Variants in ARIH2 observed in about 807,000 individuals in gnomAD.
ARIH2 encodes the protein E3 ubiquitin-protein ligase ARIH2.
A neutral mutation model predicts 79.8 loss-of-function variants in ARIH2; 12 were observed. That is an observed-to-expected ratio of 0.15 (90% CI 0.10 to 0.24). The LOEUF (loss-of-function observed/expected upper bound fraction) is 0.24, where lower values mean the gene tolerates loss of function less well. Ranked by LOEUF, ARIH2 falls within the 10% of genes least tolerant of loss-of-function variation. The pLI is 1.00. For synonymous variants in ARIH2, 224 were observed against 213.9 expected (o/e 1.05, Z -0.41); for missense variants, 301 against 618.3 (o/e 0.49, Z 5.44).
chr3:48,919,042 C>T, intron 1 of ARIH2, 44 bp downstream of exon 1: 1 of 1,343,834 alleles, frequency 7.4e-7, no homozygotes, highest in Non-Finnish European at 9.5e-7. Flanking sequence ...CCTTGGCTGG[C>T]CGCTGGGGGG....
chr3:48,947,687 G>C (rs1054101092), intron 3 of ARIH2, among the ~76,000 whole-genome samples: 3 of 152,130 alleles, frequency 2.0e-5, no homozygotes, highest in African/African-American at 7.2e-5. Flanking sequence ...TTTGTATATT[G>C]TGACGTATGA....
rs1213170169 is a variant in ARIH2 at position 48,918,859 on chromosome 3, T to C, written c.-301T>C. 2 of 1,610,886 alleles carry C rather than the reference T, an allele frequency of 1.2e-6. No homozygotes were observed. The highest frequency in any genetic ancestry group is 1.1e-5 in the South Asian group (1 of 91,000). On this transcript the variant is annotated 5_prime_UTR_variant, in exon 1 of 16. Transcript: ENST00000356401. Reference sequence around the variant, plus strand: ...GCACTTCCGGAGCTGTGGGGACGACTCTTCTGGAGGAAGCAGCGCGGGCTT... The same window carrying C: ...GCACTTCCGGAGCTGTGGGGACGACCCTTCTGGAGGAAGCAGCGCGGGCTT...
intron 15 of ARIH2, 80 bp downstream of exon 15, chr3:48,983,059 G>A: frequency 1.3e-6 from 2 of 1,510,336 alleles, no homozygotes; most frequent in South Asian, 2.3e-5. Flanking sequence ...TTGTTGGCTT[G>A]TGCACTGGTA....
intron 3 of ARIH2, among the ~76,000 whole-genome samples, chr3:48,957,153 A>G (rs772718787): frequency 6.6e-6 from 1 of 152,222 alleles, no homozygotes; most frequent in Admixed American, 6.5e-5. Flanking sequence ...CTGCTGGGAT[A>G]TTCTGAGTTG....
At chr3:48,935,314 C>T (rs1046191722) in intron 3 of ARIH2, among the ~76,000 whole-genome samples, 1 of 152,212 alleles carries the variant, frequency 6.6e-6, no homozygotes, top group Non-Finnish European at 1.5e-5. Flanking sequence ...TTTATGCATT[C>T]TGCTTTTTTC....
chr3:48,977,393 C>T (rs1335752986), intron 11 of ARIH2, among the ~76,000 whole-genome samples: 4 of 151,780 alleles, frequency 2.6e-5, no homozygotes, highest in African/African-American at 7.3e-5. Context: ...GCAACCTCCA[C>T]CTCCCAGGTT....
intron 4 of ARIH2, 137 bp from the exon 5 acceptor site, chr3:48,964,782 T>G: frequency 1.5e-5 from 9 of 602,862 alleles, no homozygotes; most frequent in Non-Finnish European, 2.3e-5. Flanking sequence ...GTCTTTGTAC[T>G]GAGATAAAAG....
At chr3:48,936,094 G>A (rs1397288678) in intron 3 of ARIH2, among the ~76,000 whole-genome samples, 11 of 152,104 alleles carry the variant, frequency 7.2e-5, no homozygotes. Context: ...GCAATGTTTG[G>A]TCTTATGCCT....
intron 5 of ARIH2, among the ~76,000 whole-genome samples, chr3:48,966,841 G>C (rs1474387189): frequency 1.3e-5 from 2 of 152,150 alleles, no homozygotes; most frequent in African/African-American, 2.4e-5. Context: ...GAGTTTTTCA[G>C]TCTGCCATTA....
intron 3 of ARIH2, among the ~76,000 whole-genome samples, chr3:48,959,882 G>A (rs1253900528): frequency 6.6e-6 from 1 of 152,178 alleles, no homozygotes; most frequent in Non-Finnish European, 1.5e-5. Context: ...TTTAGTAGGT[G>A]CGCACTTGTC....
chr3:48,934,010 CTT>C (rs964286613), intron 3 of ARIH2, among the ~76,000 whole-genome samples: 5 of 152,312 alleles, frequency 3.3e-5, no homozygotes, highest in East Asian at 1.9e-4. Flanking sequence ...CTGCCATACT[CTT>C]TTGTGAATTT....
chr3:48,944,266 G>A (rs2107285587), intron 3 of ARIH2, among the ~76,000 whole-genome samples: 2 of 152,114 alleles, frequency 1.3e-5, no homozygotes, highest in South Asian at 4.2e-4. Flanking sequence ...CACTTTGGTA[G>A]ATGTTTGAAA....
At chr3:48,932,176 G>T (rs954171580) in intron 3 of ARIH2, among the ~76,000 whole-genome samples, 9 of 152,164 alleles carry the variant, frequency 5.9e-5, no homozygotes, top group Non-Finnish European at 1.0e-4. Context: ...GCTCAAGATA[G>T]AGAACAGAGA....
rs533955408 is a variant in ARIH2, at chr3:48,933,675, A to G, written c.255+5862A>G. Among the ~76,000 whole-genome samples, 5 of 150,930 alleles carry G rather than the reference A, an allele frequency of 3.3e-5. No individual in the cohort carries two copies. In the South Asian group the frequency reaches 1.0e-3, roughly 32 times the overall value. The stretch of plus-strand genomic sequence containing the variant: ...TACCATTCTCCTGCCTCAGCCTCCC[A>G]AGTAGCTGGGACTACAGGTGCCCGC... On this transcript the variant is annotated intron_variant, in intron 3 of 15. Transcript: ENST00000356401.
intron 3 of ARIH2, among the ~76,000 whole-genome samples, chr3:48,950,821 AAAAT>A (rs1350406309): frequency 6.6e-6 from 1 of 152,144 alleles, no homozygotes; most frequent in African/African-American, 2.4e-5. Context: ...TAGGTTAAAT[AAAAT>A]AAATTATTAA....
rs567861855 is a variant in ARIH2 at position 48,949,267 on chromosome 3, G to A, written c.256-12345G>A. Among the ~76,000 whole-genome samples, 6 of 152,194 alleles carry A rather than the reference G, an allele frequency of 3.9e-5. No individual in the cohort carries two copies. In the South Asian group the frequency reaches 1.0e-3, roughly 26 times the overall value. On this transcript the variant is annotated intron_variant, in intron 3 of 15. Transcript: ENST00000356401. ...TGAGTAGCTGGGACTACAGGCGCCC[G>A]CCGTGACGCCCGGCTAGTTTTTTGT...
intron 5 of ARIH2, among the ~76,000 whole-genome samples, chr3:48,966,216 G>A (rs140208168): frequency 8.5e-5 from 13 of 152,246 alleles, no homozygotes; most frequent in African/African-American, 3.1e-4. Context: ...AGGCAGAATT[G>A]GGGCTCAGAT....
chr3:48,960,274 CT>C (rs2091108833), intron 3 of ARIH2, among the ~76,000 whole-genome samples: 3 of 152,100 alleles, frequency 2.0e-5, no homozygotes, highest in African/African-American at 7.2e-5. Context: ...TTATTTGCTT[CT>C]TTAACCTAAC....
At chr3:48,972,272 T>G (rs2092280379) in intron 8 of ARIH2, among the ~76,000 whole-genome samples, 1 of 152,026 alleles carries the variant, frequency 6.6e-6, no homozygotes, top group Admixed American at 6.6e-5. Context: ...TGGGATGAAG[T>G]GATCCTTCTG....
Sources: allele counts gnomAD v4.1 joint callset (sites outside exome capture counted in the v4.1 genomes callset), GRCh38; gene constraint gnomAD v4.1.1; transcripts MANE v1.5; gene names NCBI Gene and HGNC (gene_info 2026-07-23, HGNC 2026-07-21).